CAMK4: variants seen among roughly 807,000 people sequenced by gnomAD.
CAMK4 encodes calcium/calmodulin-dependent protein kinase type IV.
CAMK4 carries 22 observed loss-of-function variants against 44.9 expected under a neutral mutation model. That is an observed-to-expected ratio of 0.49 (90% CI 0.35 to 0.70). CAMK4 has a LOEUF of 0.70. CAMK4 is among the 30% of genes least tolerant of loss of function. The pLI is 0.01. For synonymous variants in CAMK4, 218 were observed against 215.4 expected, an observed-to-expected ratio of 1.01 and a Z score of -0.11; for missense variants, 498 against 586.8, an observed-to-expected ratio of 0.85 and a Z score of 1.56.
At chr5:111,366,144 A>G (rs567863384) in intron 2 of CAMK4, among the ~76,000 whole-genome samples, 6 of 152,278 alleles carry the variant, frequency 3.9e-5, no homozygotes, top group African/African-American at 1.2e-4. Flanking sequence ...GCTTGTTTCC[A>G]TAAAGGATTT....
Position 111,493,329 on chromosome 5 carries a change from G to C in CAMK4, c.*8863G>C, listed in dbSNP as rs1270087010. ...CTGAAAGCAAAAACTGAATTGGCCA[G>C]GTCTCCACTGACAAAACAGAGTAAA... On this transcript the variant is annotated 3_prime_UTR_variant, in exon 11 of 11. Transcript: ENST00000282356. The surrounding 1 kb of genome is among the most constrained non-coding windows in gnomAD (Gnocchi z 4.1). 6.6e-6 allele frequency: 1 copy of C among 152,076 alleles called. No homozygotes were observed. Among genetic ancestry groups the C allele is most frequent in the Admixed American group, 6.6e-5 (1 of 15,258 alleles). The allele number at this position is 152,076 out of a possible 1,614,324, so 9.4% of individuals were successfully genotyped here.
At chr5:111,352,197 A>T (rs982557395) in intron 2 of CAMK4, among the ~76,000 whole-genome samples, 1 of 152,088 alleles carries the variant, frequency 6.6e-6, no homozygotes, top group African/African-American at 2.4e-5. Flanking sequence ...AGCCTTAATG[A>T]TATAAAAGTA....
chr5:111,368,892 A>T (rs1220930967), intron 2 of CAMK4, among the ~76,000 whole-genome samples: 2 of 151,898 alleles, frequency 1.3e-5, no homozygotes, highest in African/African-American at 4.8e-5. Flanking sequence ...AGAAGCAGAA[A>T]TGAGACTATA....
chr5:111,357,295 G>A (rs2112788217), intron 2 of CAMK4, among the ~76,000 whole-genome samples: 1 of 152,162 alleles, frequency 6.6e-6, no homozygotes, highest in East Asian at 1.9e-4. Context: ...TGGGGCACTA[G>A]GAAAGTTGAG....
chr5:111,383,552 A>T (rs960668849), intron 4 of CAMK4, among the ~76,000 whole-genome samples: 26 of 152,182 alleles, frequency 1.7e-4, no homozygotes, highest in Middle Eastern at 3.4e-3. Context: ...TTTGAGTTCC[A>T]TGGAGGCAGT....
intron 4 of CAMK4, among the ~76,000 whole-genome samples, chr5:111,393,623 G>A (rs1292699804): frequency 2.6e-5 from 4 of 152,028 alleles, no homozygotes; most frequent in Admixed American, 6.6e-5. Context: ...GCAAACTAAC[G>A]CAGGAACAGA....
chr5:111,253,746 C>T (rs1749620956), intron 1 of CAMK4, among the ~76,000 whole-genome samples: 2 of 152,050 alleles, frequency 1.3e-5, no homozygotes, highest in Admixed American at 1.3e-4. Flanking sequence ...ACAGGCTTTT[C>T]TTTCATTTTT....
At chr5:111,351,813 G>A (rs433714) in intron 2 of CAMK4, among the ~76,000 whole-genome samples, 139,544 of 152,184 alleles carry the variant, frequency 0.92, 64,090 homozygotes, top group East Asian at 1. Flanking sequence ...TTATAGATGC[G>A]TCTCCAAGAG....
rs771350327 is a variant in CAMK4, at chr5:111,482,922, C to G, written c.966C>G (p.Ala322=). The G allele has an allele frequency of 1.2e-6, 2 of 1,603,896 alleles. No homozygotes were observed. Among genetic ancestry groups the G allele is most frequent in the Non-Finnish European group, 1.7e-6 (2 of 1,176,948 alleles). The change falls in exon 10 of 11, where the codon GCC becomes GCG. Residue 322 remains alanine (A), a synonymous_variant. Transcript: ENST00000282356. The surrounding 1 kb of genome is among the most constrained non-coding windows in gnomAD (Gnocchi z 4.9). Reference sequence around the variant, plus strand: ...AAAAGAAGCTCCAAGAATTCAATGCCCGGCGTAAGCTTAAGGTAAGATAGC... The same window carrying G: ...AAAAGAAGCTCCAAGAATTCAATGCGCGGCGTAAGCTTAAGGTAAGATAGC... ...TAQKKLQEFN[A]RRKLKAAVKA...
chr5:111,461,187 A>G (rs1030527634), intron 7 of CAMK4, among the ~76,000 whole-genome samples: 14 of 152,310 alleles, frequency 9.2e-5, no homozygotes, highest in African/African-American at 3.4e-4. Flanking sequence ...CACTCAAGTC[A>G]CAGAAAACTA....
At chr5:111,451,795 A>C (rs1368294483) in intron 7 of CAMK4, among the ~76,000 whole-genome samples, 1 of 152,072 alleles carries the variant, frequency 6.6e-6, no homozygotes, top group Non-Finnish European at 1.5e-5. Flanking sequence ...GTTACTCAGG[A>C]GGCTGAGGCA....
intron 5 of CAMK4, among the ~76,000 whole-genome samples, chr5:111,404,285 A>G (rs1402428436): frequency 2.0e-5 from 3 of 152,196 alleles, no homozygotes; most frequent in Non-Finnish European, 2.9e-5. Context: ...CTAAATGCCA[A>G]TAGGCACTTG....
At chr5:111,345,560 TA>T (rs1315725478) in intron 2 of CAMK4, among the ~76,000 whole-genome samples, 1 of 152,004 alleles carries the variant, frequency 6.6e-6, no homozygotes, top group Non-Finnish European at 1.5e-5. Flanking sequence ...TCTTATTGGT[TA>T]AAAAACTGTC....
At chr5:111,310,341 A>G (rs1173304321) in intron 1 of CAMK4, among the ~76,000 whole-genome samples, 1 of 152,214 alleles carries the variant, frequency 6.6e-6, no homozygotes, top group Non-Finnish European at 1.5e-5. Flanking sequence ...TATGCTTTCA[A>G]TAAAGATAAA....
Position 111,224,497 on chromosome 5 carries a change from C to G in CAMK4, c.14C>G (p.Thr5Arg). ...CCCGCTGCGAAGATGCTCAAAGTCA[C>G]GGTGCCCTCCTGCTCCGCCTCGTCC... is the stretch of plus-strand genomic sequence containing the variant. MLKV[T>R]VPSCSASSCS... The change falls in exon 1 of 11, where the codon ACG becomes AGG. Residue 5 changes from threonine (T) to arginine (R), a missense_variant. Thr to Arg is a moderately conservative substitution (Grantham distance 71). Coordinates refer to ENST00000282356, the MANE Select transcript of CAMK4 (RefSeq NM_001744.6). This position sits in a 1 kb window ranked among gnomAD's most constrained non-coding sequence, Gnocchi z 5.7. 2 of 1,605,424 alleles carry G rather than the reference C, an allele frequency of 1.2e-6. No homozygotes were observed. Among genetic ancestry groups the G allele is most frequent in the South Asian group, 1.1e-5 (1 of 90,334 alleles).
At chr5:111,386,862 C>G (rs1751624956) in intron 4 of CAMK4, among the ~76,000 whole-genome samples, 1 of 152,194 alleles carries the variant, frequency 6.6e-6, no homozygotes. Flanking sequence ...TGCTAGGCCC[C>G]CTGGCAGCTG....
intron 1 of CAMK4, among the ~76,000 whole-genome samples, chr5:111,261,125 C>A (rs1365131816): frequency 1.3e-5 from 2 of 152,216 alleles, no homozygotes; most frequent in African/African-American, 4.8e-5. Context: ...CTTAAAGACA[C>A]AATTTGGATG....
At chr5:111,473,675 A>G (rs1350835672) in intron 8 of CAMK4, among the ~76,000 whole-genome samples, 2 of 152,232 alleles carry the variant, frequency 1.3e-5, no homozygotes, top group African/African-American at 4.8e-5. Context: ...AGTAAAGAAT[A>G]TGAGCCCAAG....
At chr5:111,323,196 A>G (rs1748734930) in intron 1 of CAMK4, among the ~76,000 whole-genome samples, 1 of 152,134 alleles carries the variant, frequency 6.6e-6, no homozygotes, top group Admixed American at 6.6e-5. Context: ...AGGTAGGCAT[A>G]TCCTCAAAAG....
Sources: allele counts gnomAD v4.1 joint callset (sites outside exome capture counted in the v4.1 genomes callset), GRCh38; gene constraint gnomAD v4.1.1; non-coding constraint Gnocchi (gnomAD v3.1); transcripts MANE v1.5; gene names NCBI Gene and HGNC (gene_info 2026-07-23, HGNC 2026-07-21).